KIF2A: variants seen among roughly 807,000 people sequenced by gnomAD.
KIF2A encodes kinesin-like protein KIF2A.
A neutral mutation model predicts 100.2 loss-of-function variants in KIF2A; 22 were observed. The observed-to-expected ratio is 0.22, with a 90% confidence interval of 0.16 to 0.31. KIF2A has a LOEUF of 0.31. KIF2A is among the 10% of genes least tolerant of loss of function. The pLI is 1.00. For synonymous variants in KIF2A, 268 were observed against 285.9 expected (o/e 0.94, Z 0.63); for missense variants, 495 against 898.7 (o/e 0.55, Z 5.74).
intron 1 of KIF2A, chr5:62,307,109 G>A: frequency 8.4e-6 from 1 of 119,428 alleles, no homozygotes; most frequent in Non-Finnish European, 1.8e-5. Flanking sequence ...CGTCGACCAT[G>A]CTGCTTTCTT....
chr5:62,376,937 TGC>T (rs1424623908), intron 18 of KIF2A, among the ~76,000 whole-genome samples: 2 of 152,138 alleles, frequency 1.3e-5, no homozygotes, highest in Admixed American at 1.3e-4. Flanking sequence ...CCGTGGAACT[TGC>T]AAATATGAAA....
chr5:62,357,593 A>G (rs1380230642), intron 7 of KIF2A, 98 bp from the exon 8 acceptor site: 3 of 567,228 alleles, frequency 5.3e-6, no homozygotes, highest in Non-Finnish European at 8.9e-6. Context: ...TGCTATGTAT[A>G]AATTTCTAAA....
intron 20 of KIF2A, among the ~76,000 whole-genome samples, chr5:62,382,634 G>GTTTT (rs35714674): frequency 7.4e-6 from 1 of 134,802 alleles, no homozygotes; most frequent in Non-Finnish European, 1.6e-5. Flanking sequence ...CAGGTTTCAG[G>GTTTT]TTTTTTTTTT....
chr5:62,382,725 C>T (rs1741829173), intron 20 of KIF2A, among the ~76,000 whole-genome samples: 2 of 151,400 alleles, frequency 1.3e-5, no homozygotes, highest in Non-Finnish European at 2.9e-5. Flanking sequence ...CCTCTACCTC[C>T]CAGGTTCAAG....
chr5:62,319,591 T>TGA (rs1255345454), intron 1 of KIF2A, among the ~76,000 whole-genome samples: 20 of 152,334 alleles, frequency 1.3e-4, no homozygotes, highest in African/African-American at 4.1e-4. Context: ...AGACTCAAGT[T>TGA]CCTTTATATT....
rs1487851178 is a variant in KIF2A, at chr5:62,319,846, A to G, written c.64+13310A>G. The stretch of plus-strand genomic sequence containing the variant: ...GTTTAATTGCCTGTTTTGAATAGCA[A>G]TATAGTCCCATGACTAATGAAGTTC... On this transcript the variant is annotated intron_variant, in intron 1 of 20. Transcript: ENST00000407818. Among the ~76,000 whole-genome samples the G allele has an allele frequency of 3.3e-5, 5 of 152,178 alleles. No homozygotes were observed. The South Asian group carries it at 6.2e-4, about 19-fold the overall frequency.
At chr5:62,382,950 A>C (rs1346459557) in intron 20 of KIF2A, among the ~76,000 whole-genome samples, 11 of 127,134 alleles carry the variant, frequency 8.7e-5, no homozygotes, top group Non-Finnish European at 1.8e-4. Flanking sequence ...TTTTTTTGAG[A>C]TAGTGTCTTG....
At chr5:62,337,030 A>C (rs1008398724) in intron 1 of KIF2A, among the ~76,000 whole-genome samples, 6 of 151,780 alleles carry the variant, frequency 4.0e-5, no homozygotes, top group Admixed American at 1.3e-4. Flanking sequence ...AAAACAATAA[A>C]AACTAATACT....
In KIF2A at chr5:62,363,960, C is replaced by T; in HGVS notation, c.1467+61C>T. The stretch of plus-strand genomic sequence containing the variant: ...ACTTTTGACTTTAATTTTCTTTACT[C>T]AGTTGCAAAATAGTAGTACTTGTTT... On this transcript the variant is annotated intron_variant, in intron 14 of 20. Coordinates refer to ENST00000407818, the MANE Select transcript of KIF2A (RefSeq NM_001098511.3). The T allele has an allele frequency of 3.7e-6, 5 of 1,338,044 alleles. 1 individual carries two copies. Among genetic ancestry groups the T allele is most frequent in the Non-Finnish European group, 5.2e-6 (5 of 969,724 alleles). The allele number at this position is 1,338,044 out of a possible 1,614,324, so 82.9% of individuals were successfully genotyped here.
intron 19 of KIF2A, among the ~76,000 whole-genome samples, chr5:62,378,077 T>C (rs1741620989): frequency 6.6e-6 from 1 of 152,196 alleles, no homozygotes. Flanking sequence ...TAGGCCAATG[T>C]ATTTGATAGC....
intron 1 of KIF2A, among the ~76,000 whole-genome samples, chr5:62,316,674 G>A (rs1255597266): frequency 2.6e-5 from 4 of 152,172 alleles, no homozygotes; most frequent in Admixed American, 2.0e-4. Context: ...ATAATGGTGT[G>A]TCAAGATAGG....
chr5:62,306,857 CG>C (rs1554037833), intron 1 of KIF2A: 2 of 332,374 alleles, frequency 6.0e-6, no homozygotes, highest in South Asian at 3.8e-5. Flanking sequence ...AGCCCCCCCC[CG>C]GGGACACCAG....
intron 8 of KIF2A, 29 bp downstream of exon 8, chr5:62,357,774 G>A (rs772031884): frequency 2.3e-6 from 3 of 1,305,800 alleles, no homozygotes; most frequent in Non-Finnish European, 3.3e-6. Context: ...TCTAATAAAA[G>A]ATTGATTTTA....
At chr5:62,326,824 C>T (rs970102558) in intron 1 of KIF2A, among the ~76,000 whole-genome samples, 7 of 152,022 alleles carry the variant, frequency 4.6e-5, no homozygotes, top group African/African-American at 1.7e-4. Flanking sequence ...GGTGAAACTC[C>T]CTCTTTACAA....
intron 1 of KIF2A, among the ~76,000 whole-genome samples, chr5:62,333,881 C>G (rs1197175980): frequency 1.3e-5 from 2 of 152,158 alleles, no homozygotes; most frequent in African/African-American, 4.8e-5. Context: ...CACCTCCCAG[C>G]ATCCTGCCCA....
chr5:62,372,115 G>T (rs1561279034), intron 16 of KIF2A, among the ~76,000 whole-genome samples: 1 of 152,150 alleles, frequency 6.6e-6, no homozygotes, highest in African/African-American at 2.4e-5. Context: ...ACTACATGAA[G>T]AAATTAGATT....
Position 62,363,681 on chromosome 5 carries a change from T to C in KIF2A, c.1263-14T>C, listed in dbSNP as rs776803287. 6.2e-7 allele frequency: 1 copy of C among 1,608,042 alleles called. No individual in the cohort carries two copies. The highest frequency in any genetic ancestry group is 1.3e-5 in the African/African-American group (1 of 74,922). ...AGTTTTTAATGTATCAAGATGTCCT[T>C]AATCACATTGTAGAACATCCGGTCA... On this transcript the variant is annotated splice_polypyrimidine_tract_variant and intron_variant, in intron 13 of 20. Coordinates refer to ENST00000407818, the MANE Select transcript of KIF2A (RefSeq NM_001098511.3).
intron 6 of KIF2A, among the ~76,000 whole-genome samples, chr5:62,353,966 T>G (rs925540646): frequency 3.3e-5 from 5 of 152,168 alleles, no homozygotes; most frequent in South Asian, 2.1e-4. Context: ...ATTTTGTTAT[T>G]ATACATAACT....
intron 1 of KIF2A, among the ~76,000 whole-genome samples, chr5:62,321,031 C>T (rs1451107160): frequency 6.6e-6 from 1 of 152,136 alleles, no homozygotes; most frequent in Non-Finnish European, 1.5e-5. Context: ...CGAAACTGTA[C>T]AATACATAGC....
Sources: allele counts gnomAD v4.1 joint callset (sites outside exome capture counted in the v4.1 genomes callset), GRCh38; gene constraint gnomAD v4.1.1; transcripts MANE v1.5; gene names NCBI Gene and HGNC (gene_info 2026-07-23, HGNC 2026-07-21).